WWOX: variants seen among roughly 807,000 people sequenced by gnomAD.
WWOX encodes the protein WW domain-containing oxidoreductase.
WWOX carries 69 observed loss-of-function variants against 46.2 expected under a neutral mutation model. The observed-to-expected ratio is 1.49, with a 90% CI of 1.23 to 1.82. The LOEUF is 1.82. Among genes scored for constraint, WWOX ranks in the 40% most tolerant of loss-of-function variants. The probability of loss-of-function intolerance (pLI) is 0.00; values close to 1 mark genes in which losing one functional copy is unlikely to be tolerated. For missense variants in WWOX, 919 were observed against 542.6 expected, an observed-to-expected ratio of 1.69 and a Z score of -6.89; for synonymous variants, 359 against 202.6, an observed-to-expected ratio of 1.77 and a Z score of -6.56.
At chr16:79,156,261 A>T (rs2050379434) in intron 8 of WWOX, among the ~76,000 whole-genome samples, 1 of 152,184 alleles carries the variant, frequency 6.6e-6, no homozygotes, top group Non-Finnish European at 1.5e-5. Flanking sequence ...TCCTGGGCTC[A>T]AGCAATCCTC....
At chr16:79,087,773 T>A (rs775605531) in intron 8 of WWOX, among the ~76,000 whole-genome samples, 2 of 152,228 alleles carry the variant, frequency 1.3e-5, no homozygotes, top group African/African-American at 4.8e-5. Context: ...TCTTTTAGTT[T>A]AGTACGTTCT....
chr16:78,386,711 C>T (rs939077824), intron 5 of WWOX, 149 bp from the exon 6 acceptor site: 2 of 533,462 alleles, frequency 3.7e-6, no homozygotes, highest in South Asian at 1.7e-5. Context: ...CCCTGTTCTT[C>T]CATTCATTCC....
intron 8 of WWOX, among the ~76,000 whole-genome samples, chr16:78,553,615 G>C (rs2044223303): frequency 6.6e-6 from 1 of 152,152 alleles, no homozygotes; most frequent in Non-Finnish European, 1.5e-5. Context: ...GCAATAATAA[G>C]TGAGCAGTAT....
At chr16:78,774,236 A>G (rs1271473797) in intron 8 of WWOX, among the ~76,000 whole-genome samples, 1 of 152,130 alleles carries the variant, frequency 6.6e-6, no homozygotes, top group Non-Finnish European at 1.5e-5. Context: ...CCCTGTCTCT[A>G]CTCAAAATAC....
At chr16:78,442,260 ATT>A (rs1267997984) in intron 8 of WWOX, among the ~76,000 whole-genome samples, 13 of 152,112 alleles carry the variant, frequency 8.5e-5, no homozygotes, top group African/African-American at 3.1e-4. Context: ...CATAGCTATC[ATT>A]TTTTGTGTGT....
intron 8 of WWOX, among the ~76,000 whole-genome samples, chr16:79,087,969 C>A (rs1487222296): frequency 6.6e-6 from 1 of 152,138 alleles, no homozygotes; most frequent in East Asian, 1.9e-4. Flanking sequence ...GGCTCCACTA[C>A]CATCTCCTTG....
chr16:78,657,727 C>G (rs115313457), intron 8 of WWOX, among the ~76,000 whole-genome samples: 1 of 152,100 alleles, frequency 6.6e-6, no homozygotes, highest in Admixed American at 6.5e-5. Context: ...TGGAAGGTGG[C>G]GCAAATAACT....
chr16:78,734,915 G>C (rs1156580194), intron 8 of WWOX, among the ~76,000 whole-genome samples: 1 of 124,944 alleles, frequency 8.0e-6, no homozygotes, highest in Non-Finnish European at 1.6e-5. Flanking sequence ...GGCTAGGCTG[G>C]AGTGCAGTGA....
intron 8 of WWOX, among the ~76,000 whole-genome samples, chr16:79,003,756 AG>A (rs892612795): frequency 1.3e-5 from 2 of 152,202 alleles, no homozygotes; most frequent in African/African-American, 4.8e-5. Context: ...ACACAGCAGA[AG>A]TGGCACGGCC....
intron 5 of WWOX, among the ~76,000 whole-genome samples, chr16:78,265,148 A>C (rs375153133): frequency 4.0e-5 from 6 of 151,214 alleles, no homozygotes; most frequent in Admixed American, 4.0e-4. Context: ...TTACAGGTGC[A>C]TGGCACCATG....
At chr16:78,434,098 CTT>C in intron 8 of WWOX, among the ~76,000 whole-genome samples, 1 of 152,162 alleles carries the variant, frequency 6.6e-6, no homozygotes, top group Non-Finnish European at 1.5e-5. Flanking sequence ...CTGGGGATGA[CTT>C]TTAAAACCAC....
intron 6 of WWOX, among the ~76,000 whole-genome samples, chr16:78,397,307 T>C (rs2082309623): frequency 6.6e-6 from 1 of 152,166 alleles, no homozygotes; most frequent in Admixed American, 6.5e-5. Flanking sequence ...ATTGCTAATA[T>C]TTATCAGCTA....
chr16:78,936,904 C>G (rs1459244162), intron 8 of WWOX, among the ~76,000 whole-genome samples: 3 of 152,040 alleles, frequency 2.0e-5, no homozygotes, highest in Non-Finnish European at 4.4e-5. Context: ...AAATGGAAGC[C>G]AAGAGAAGCA....
intron 8 of WWOX, among the ~76,000 whole-genome samples, chr16:78,628,836 G>C (rs1487889311): frequency 6.6e-6 from 1 of 152,166 alleles, no homozygotes; most frequent in African/African-American, 2.4e-5. Context: ...CTTCCAGCTG[G>C]TTTCGTGAGG....
intron 5 of WWOX, among the ~76,000 whole-genome samples, chr16:78,183,202 C>G (rs559168991): frequency 6.6e-6 from 1 of 152,034 alleles, no homozygotes; most frequent in Admixed American, 6.6e-5. Context: ...TGGAGACAGA[C>G]ACGTAAATTA....
intron 8 of WWOX, chr16:79,101,112 C>G (rs2049184011): frequency 6.6e-6 from 1 of 152,218 alleles, no homozygotes; most frequent in African/African-American, 2.4e-5. Context: ...GAAATGGTGT[C>G]TTTTATTTTG....
intron 8 of WWOX, among the ~76,000 whole-genome samples, chr16:78,758,290 G>C (rs148393287): frequency 1.7e-3 from 262 of 152,282 alleles, no homozygotes; most frequent in Middle Eastern, 6.8e-3. Flanking sequence ...CAATGCTTGT[G>C]TTCTCTTTGG....
intron 5 of WWOX, among the ~76,000 whole-genome samples, chr16:78,385,589 G>C (rs919033190): frequency 6.6e-6 from 1 of 152,138 alleles, no homozygotes; most frequent in Non-Finnish European, 1.5e-5. Flanking sequence ...CCCAGGACTT[G>C]GCAGCCAAGA....
At chr16:78,938,848 C>G (rs1386084292) in intron 8 of WWOX, among the ~76,000 whole-genome samples, 2 of 152,112 alleles carry the variant, frequency 1.3e-5, no homozygotes, top group Admixed American at 6.5e-5. Context: ...TCAGAAAAGT[C>G]TTTAAGGAAA....
Sources: gnomAD v4.1 joint callset for allele counts (sites outside exome capture counted in the v4.1 genomes callset) on GRCh38, gnomAD v4.1.1 for gene constraint, MANE v1.5 for transcripts, NCBI Gene and HGNC (gene_info 2026-07-23, HGNC 2026-07-21) for gene names.